Variants in E2F7 observed in about 807,000 individuals in gnomAD.
The protein encoded by E2F7 is transcription factor E2F7.
A neutral mutation model predicts 81.1 loss-of-function variants in E2F7; 35 were observed. That is an observed-to-expected ratio of 0.43 (90% CI 0.33 to 0.57). E2F7 has a LOEUF of 0.57. E2F7 is among the 20% of genes least tolerant of loss of function. The pLI is 0.04. For missense variants in E2F7, 961 were observed against 1,093.7 expected (o/e 0.88, Z 1.71); for synonymous variants, 416 against 416.2 (o/e 1.00, Z 0.01).
At chr12:77,051,217 T>C (rs1205756103) in intron 3 of E2F7, among the ~76,000 whole-genome samples, 1 of 152,198 alleles carries the variant, frequency 6.6e-6, no homozygotes, top group Admixed American at 6.5e-5. Flanking sequence ...CAAAGGTTGA[T>C]GAAAGTGAAT....
At chr12:77,033,259 G>A (rs1954820724) in intron 8 of E2F7, 137 bp from the exon 9 acceptor site, 1 of 807,486 alleles carries the variant, frequency 1.2e-6, no homozygotes, top group Non-Finnish European at 1.8e-6. Context: ...TTGATTCAAA[G>A]AGAAATTTTC....
chr12:77,051,166 C>T (rs1387219215), intron 3 of E2F7, among the ~76,000 whole-genome samples: 1 of 152,124 alleles, frequency 6.6e-6, no homozygotes, highest in African/African-American at 2.4e-5. Context: ...ACGCACTGGC[C>T]TGCATTCTGT....
intron 11 of E2F7, among the ~76,000 whole-genome samples, chr12:77,027,334 T>A (rs1954767958): frequency 6.6e-6 from 1 of 152,232 alleles, no homozygotes. Flanking sequence ...TTATTCTAAG[T>A]GCTTTAGATG....
chr12:77,025,626 T>C lies in E2F7; in HGVS notation c.2497A>G (p.Ser833Gly). ...NLSPVMSRSHSVVQQPESPVY... is the reference protein window; with the variant it reads ...NLSPVMSRSHGVVQQPESPVY... ...GGGGACTCAGGTTGTTGGACGACAC[T>C]GTGTGACCTTGACATCACTGGACTT... is the stretch of plus-strand genomic sequence containing the variant. The change falls in exon 12 of 13, where the codon AGT becomes GGT. Residue 833 changes from serine to glycine, a missense_variant. Physicochemically the swap from Ser to Gly is moderately conservative, Grantham distance 56. This residue lies in a region of E2F7 where 587 missense variants were observed against 620.3 expected (regional missense o/e 0.95). Coordinates refer to ENST00000322886, the MANE Select transcript of E2F7 (RefSeq NM_203394.3). The C allele has an allele frequency of 6.2e-7, 1 of 1,614,204 alleles. No individual in the cohort carries two copies. Among genetic ancestry groups the C allele is most frequent in the Non-Finnish European group, 8.5e-7 (1 of 1,180,052 alleles).
intron 4 of E2F7, among the ~76,000 whole-genome samples, chr12:77,050,073 TTTGAG>T (rs1472894068): frequency 6.6e-6 from 1 of 152,152 alleles, no homozygotes; most frequent in African/African-American, 2.4e-5. Flanking sequence ...GGTTTAGTTG[TTTGAG>T]TTATGTCCAA....
chr12:77,032,489 A>T (rs1035330342), intron 9 of E2F7, among the ~76,000 whole-genome samples: 2 of 152,074 alleles, frequency 1.3e-5, no homozygotes, highest in African/African-American at 2.4e-5. Context: ...GTGACACATG[A>T]TTTCTTTCAA....
chr12:77,056,072 G>T lies in E2F7; in HGVS notation c.152C>A (p.Pro51Gln), dbSNP rs1955029790. The T allele has an allele frequency of 6.2e-7, 1 of 1,613,894 alleles. No individual in the cohort carries two copies. The highest frequency in any genetic ancestry group is 8.5e-7 in the Non-Finnish European group (1 of 1,179,940). Residue 51 changes from proline (P) to glutamine (Q), a missense_variant, in exon 3 of 13, where the codon CCA becomes CAA. Coordinates refer to ENST00000322886, the MANE Select transcript of E2F7 (RefSeq NM_203394.3). Reference sequence around the variant, plus strand: ...TTTTTTTTGCTTCGATAAATCAATTGGTTCATTTTTTATTGGAGTCTTCGG... The same window carrying T: ...TTTTTTTTGCTTCGATAAATCAATTTGTTCATTTTTTATTGGAGTCTTCGG... ...MAPKTPIKNE[P>Q]IDLSKQKKFT...
chr12:77,038,727 A>G (rs2120673442), intron 7 of E2F7, among the ~76,000 whole-genome samples: 1 of 152,300 alleles, frequency 6.6e-6, no homozygotes, highest in African/African-American at 2.4e-5. Context: ...AAGTTAACTC[A>G]AAGTTAAAGG....
intron 11 of E2F7, among the ~76,000 whole-genome samples, chr12:77,026,558 T>C (rs1954761716): frequency 6.6e-6 from 1 of 152,118 alleles, no homozygotes; most frequent in Non-Finnish European, 1.5e-5. Flanking sequence ...TACCTCAGCC[T>C]CCCAAAGTGC....
At position 77,043,045 on chromosome 12, in the gene E2F7, G is replaced by C. The variant is rs1441508944; in HGVS notation, c.1123+20C>G. 6.2e-7 allele frequency: 1 copy of C among 1,613,706 alleles called. No homozygotes were observed. Among genetic ancestry groups the C allele is most frequent in the African/African-American group, 1.3e-5 (1 of 74,900 alleles). ...GAATTCTAAATAAAACAGCCTGCTA[G>C]CAAAACCACGCCACCTTACCACTTG... is the stretch of plus-strand genomic sequence containing the variant. On this transcript the variant is annotated intron_variant, in intron 7 of 12. Coordinates refer to ENST00000322886, the MANE Select transcript of E2F7 (RefSeq NM_203394.3).
intron 7 of E2F7, among the ~76,000 whole-genome samples, chr12:77,041,690 C>T (rs939735765): frequency 6.6e-6 from 1 of 152,132 alleles, no homozygotes; most frequent in Admixed American, 6.5e-5. Context: ...CTCTTCATGC[C>T]TCCAAAATCT....
In E2F7 at chr12:77,033,882, C is replaced by T. The variant is rs766488594; in HGVS notation, c.1284G>A (p.Pro428=). ...CTTGTTCTTCTCTGTACGGGCTGCT[C>T]GGTTCTGAGTTCACTTTCCTCTGGA... ...ERIQRKVNSE[P]SSPYREEQGS... The change falls in exon 8 of 13, where the codon CCG becomes CCA. Residue 428 remains proline (P), a synonymous_variant. Transcript: ENST00000322886. 4.8e-5 allele frequency: 78 copies of T among 1,612,374 alleles called. 1 individual carries two copies. The Admixed American group carries it at 8.7e-4, about 18-fold the overall frequency.
At position 77,021,802 on chromosome 12, in the gene E2F7, A is replaced by T. The variant is rs1453550348; in HGVS notation, c.*2213T>A. On this transcript the variant is annotated 3_prime_UTR_variant, in exon 13 of 13. Transcript: ENST00000322886. The stretch of plus-strand genomic sequence containing the variant: ...ATCCAAGTCTAGCGCAGCAGCTTCA[A>T]TTCCACCAGTTGTTCTGTAAGATTT... The T allele has an allele frequency of 1.3e-5, 2 of 152,252 alleles. No homozygotes were observed. The highest frequency in any genetic ancestry group is 4.8e-5 in the African/African-American group (2 of 41,472). 9.4% of individuals were successfully genotyped at this position (152,252 alleles called of 1,614,324 possible). A position where few individuals can be genotyped will look rare whatever the true frequency, so the allele number is the denominator to read the frequency against.
chr12:77,050,535 G>A lies in E2F7; in HGVS notation c.538+41C>T, dbSNP rs542914684. The stretch of plus-strand genomic sequence containing the variant: ...TGCCCAAGGAAACCAGTTTCCCACT[G>A]TAACTGGAGACAGACCTCCAGGTAA... On this transcript the variant is annotated intron_variant, in intron 4 of 12. Coordinates refer to ENST00000322886, the MANE Select transcript of E2F7 (RefSeq NM_203394.3). The A allele has an allele frequency of 7.9e-5, 126 of 1,601,688 alleles. No individual in the cohort carries two copies. In the South Asian group the frequency reaches 8.3e-4, roughly 11 times the overall value.
At chr12:77,042,618 A>G (rs1455934830) in intron 7 of E2F7, among the ~76,000 whole-genome samples, 1 of 152,184 alleles carries the variant, frequency 6.6e-6, no homozygotes, top group East Asian at 1.9e-4. Flanking sequence ...TCTTAACCAC[A>G]TCTTTAGATG....
In E2F7 at chr12:77,058,090, TG is replaced by T. The variant is rs1302438127; in HGVS notation, c.94-1961del. ...GTATAAGAGGAAGGAGAGGAGTCAG[TG>T]GAAGTGGCGATTTCTCATACTACAG... On this transcript the variant is annotated intron_variant, in intron 2 of 12. Transcript: ENST00000322886. Among the ~76,000 whole-genome samples, 3 of 152,238 alleles carry T rather than the reference TG, an allele frequency of 2.0e-5. No individual in the cohort carries two copies. In the East Asian group the frequency reaches 5.8e-4, roughly 29 times the overall value.
At chr12:77,044,368 C>A in intron 6 of E2F7, 1 of 550,852 alleles carries the variant, frequency 1.8e-6, no homozygotes, top group Admixed American at 2.4e-5. Context: ...CAAAATAATT[C>A]ACACCCTCCC....
chr12:77,048,681 A>G (rs1954962475), intron 4 of E2F7, among the ~76,000 whole-genome samples: 1 of 152,170 alleles, frequency 6.6e-6, no homozygotes. Context: ...TGTCACATGA[A>G]AAGATGGCAT....
chr12:77,029,612 C>T (rs1264432462), intron 10 of E2F7, among the ~76,000 whole-genome samples: 1 of 152,194 alleles, frequency 6.6e-6, no homozygotes, highest in Non-Finnish European at 1.5e-5. Context: ...TACTTTTTAG[C>T]ATTTTATAGA....
Sources: allele counts gnomAD v4.1 joint callset (sites outside exome capture counted in the v4.1 genomes callset), GRCh38; gene constraint gnomAD v4.1.1; regional missense constraint gnomAD v4.1.1; transcripts MANE v1.5; gene names NCBI Gene and HGNC (gene_info 2026-07-23, HGNC 2026-07-21).